The following CAMKMT variants were observed in gnomAD, a reference collection of about 807,000 sequenced individuals.
CAMKMT encodes the protein calmodulin-lysine N-methyltransferase, also known as CaM KMT.
In CAMKMT, 53 loss-of-function variants were observed where a neutral mutation model predicts 48.0. That is an observed-to-expected ratio of 1.10 (90% CI 0.89 to 1.39). The LOEUF is 1.39. Among genes scored for constraint, CAMKMT ranks in the 40% most tolerant of loss-of-function variants. The pLI is 0.00. For synonymous variants in CAMKMT, 165 were observed against 152.3 expected (o/e 1.08, Z -0.61); for missense variants, 428 against 402.7 (o/e 1.06, Z -0.54).
intron 3 of CAMKMT, among the ~76,000 whole-genome samples, chr2:44,675,277 T>C (rs1033806049): frequency 6.6e-6 from 1 of 152,206 alleles, no homozygotes; most frequent in East Asian, 1.9e-4. Context: ...TTCAGCACTC[T>C]AATGAGGCTC....
At chr2:44,702,256 A>T (rs747819346) in intron 3 of CAMKMT, among the ~76,000 whole-genome samples, 16 of 151,994 alleles carry the variant, frequency 1.1e-4, no homozygotes, top group Non-Finnish European at 1.9e-4. Flanking sequence ...GTCTTAATAG[A>T]GTTATTTTTA....
intron 3 of CAMKMT, among the ~76,000 whole-genome samples, chr2:44,535,801 G>C (rs564433601): frequency 1.3e-5 from 2 of 152,258 alleles, no homozygotes; most frequent in East Asian, 3.9e-4. Flanking sequence ...GGGCAAAGCT[G>C]AAATCCTTTC....
intron 3 of CAMKMT, among the ~76,000 whole-genome samples, chr2:44,505,528 T>G (rs984065965): frequency 6.6e-6 from 1 of 152,226 alleles, no homozygotes; most frequent in Non-Finnish European, 1.5e-5. Flanking sequence ...TGTTTTACAT[T>G]AAGTCTGTGG....
chr2:44,699,775 C>T (rs1677160872), intron 3 of CAMKMT, among the ~76,000 whole-genome samples: 1 of 152,126 alleles, frequency 6.6e-6, no homozygotes, highest in African/African-American at 2.4e-5. Flanking sequence ...CCAGGCTAGA[C>T]TTAGCATAAT....
chr2:44,666,988 C>G (rs1279998663), intron 3 of CAMKMT, among the ~76,000 whole-genome samples: 2 of 152,180 alleles, frequency 1.3e-5, no homozygotes, highest in Non-Finnish European at 1.5e-5. Flanking sequence ...ACTTATAAAC[C>G]TTAAATCTTT....
At chr2:44,563,693 A>G (rs1331553686) in intron 3 of CAMKMT, among the ~76,000 whole-genome samples, 1 of 151,328 alleles carries the variant, frequency 6.6e-6, no homozygotes, top group Non-Finnish European at 1.5e-5. Context: ...CTCATTGTTC[A>G]GTTCCCACCT....
chr2:44,427,750 C>G (rs1067368), intron 3 of CAMKMT, among the ~76,000 whole-genome samples: 2 of 151,936 alleles, frequency 1.3e-5, no homozygotes, highest in Admixed American at 6.5e-5. Context: ...CAAAATATAC[C>G]AGATTTGTAT....
At chr2:44,614,937 T>C (rs961757112) in intron 3 of CAMKMT, among the ~76,000 whole-genome samples, 2 of 40,676 alleles carry the variant, frequency 4.9e-5, no homozygotes, top group African/African-American at 1.0e-4. Context: ...GTCTCCTTGC[T>C]TTTTTTTTTT....
Position 44,689,393 on chromosome 2 carries a change from G to A in CAMKMT, c.377-14890G>A, listed in dbSNP as rs796323473. ...GGCTCACTGCAACCTCCGCCTCCCC[G>A]GTTCAAGTGATTCTCCTGCCTCAGC... is the stretch of plus-strand genomic sequence containing the variant. On this transcript the variant is annotated intron_variant, in intron 3 of 10. Transcript: ENST00000378494. Among the ~76,000 whole-genome samples, 20 of 151,528 alleles carry A rather than the reference G, an allele frequency of 1.3e-4. 1 individual carries two copies. The highest frequency in any genetic ancestry group is 4.1e-4 in the African/African-American group (17 of 41,224).
At chr2:44,377,983 G>A (rs1382305107) in intron 2 of CAMKMT, among the ~76,000 whole-genome samples, 2 of 152,190 alleles carry the variant, frequency 1.3e-5, no homozygotes, top group Admixed American at 6.5e-5. Flanking sequence ...TGTATGTGTA[G>A]TATAACCTAG....
intron 3 of CAMKMT, among the ~76,000 whole-genome samples, chr2:44,605,994 G>A (rs574434997): frequency 4.6e-5 from 7 of 152,162 alleles, no homozygotes; most frequent in South Asian, 2.1e-4. Flanking sequence ...ATTCTATATA[G>A]TTCATGAACC....
chr2:44,521,324 G>C (rs142294602), intron 3 of CAMKMT, among the ~76,000 whole-genome samples: 5,073 of 151,628 alleles, frequency 0.033, 95 homozygotes, highest in Non-Finnish European at 0.05. Context: ...CTGTTGCCAG[G>C]CTGGAGTGCA....
At chr2:44,577,988 T>G (rs1669327933) in intron 3 of CAMKMT, among the ~76,000 whole-genome samples, 2 of 152,218 alleles carry the variant, frequency 1.3e-5, no homozygotes, top group Admixed American at 1.3e-4. Context: ...CATCTTGCTT[T>G]GGCCACTTCT....
intron 3 of CAMKMT, among the ~76,000 whole-genome samples, chr2:44,513,440 G>A (rs1054219005): frequency 2.6e-5 from 4 of 152,168 alleles, no homozygotes; most frequent in Admixed American, 6.5e-5. Context: ...GCATCAGCTA[G>A]GATAGTGTCT....
chr2:44,684,637 T>A (rs1248425313), intron 3 of CAMKMT, among the ~76,000 whole-genome samples: 1 of 152,136 alleles, frequency 6.6e-6, no homozygotes, highest in Non-Finnish European at 1.5e-5. Flanking sequence ...ACCCATGACA[T>A]GGTCTCTGCT....
At chr2:44,631,521 C>G (rs1396320787) in intron 3 of CAMKMT, 1 of 617,744 alleles carries the variant, frequency 1.6e-6, no homozygotes. Context: ...CCATGTTGGT[C>G]TTGATCTCCT....
chr2:44,622,253 TC>T (rs2103937454), intron 3 of CAMKMT, among the ~76,000 whole-genome samples: 1 of 152,346 alleles, frequency 6.6e-6, no homozygotes, highest in East Asian at 1.9e-4. Flanking sequence ...ATGTCTGGTG[TC>T]TTTTTAGCTT....
At chr2:44,739,746 G>A (rs888124102) in intron 7 of CAMKMT, among the ~76,000 whole-genome samples, 1 of 152,134 alleles carries the variant, frequency 6.6e-6, no homozygotes, top group African/African-American at 2.4e-5. Flanking sequence ...AATGAGAGGA[G>A]AGGAATTGGC....
At chr2:44,557,413 C>T (rs1668072954) in intron 3 of CAMKMT, among the ~76,000 whole-genome samples, 1 of 151,968 alleles carries the variant, frequency 6.6e-6, no homozygotes, top group Admixed American at 6.6e-5. Flanking sequence ...TTTTATGGTA[C>T]AATAAGGGCA....
Sources: gnomAD v4.1 joint callset for allele counts (sites outside exome capture counted in the v4.1 genomes callset) on GRCh38, gnomAD v4.1.1 for gene constraint, MANE v1.5 for transcripts, NCBI Gene and HGNC (gene_info 2026-07-23, HGNC 2026-07-21) for gene names.